Variants in APC observed in about 807,000 individuals in gnomAD.
APC encodes adenomatous polyposis coli protein.
Under a neutral mutation model 247.0 loss-of-function variants are expected in APC, and 72 were observed. That is an observed-to-expected ratio of 0.29 (90% CI 0.24 to 0.35). APC has a LOEUF of 0.35. APC is among the 10% of genes least tolerant of loss of function. APC has a pLI of 1.00. For synonymous variants in APC, 1,254 were observed against 1,162.5 expected (o/e 1.08, Z -1.60); for missense variants, 3,400 against 3,360.7 (o/e 1.01, Z -0.29).
At chr5:112,748,711 C>A (rs900848129) in intron 1 of APC, among the ~76,000 whole-genome samples, 1 of 151,970 alleles carries the variant, frequency 6.6e-6, no homozygotes, top group African/African-American at 2.4e-5. Flanking sequence ...CCCAGCTACT[C>A]GGGAGGCTGA....
At chr5:112,735,107 A>G (rs995348607), upstream of APC, among the ~76,000 whole-genome samples, 1 of 152,210 alleles carries the variant, frequency 6.6e-6, no homozygotes, top group Admixed American at 6.5e-5. Flanking sequence ...GATACTGAAA[A>G]TAAGAGATAT....
intron 13 of APC, 57 bp from the exon 14 acceptor site, chr5:112,828,799 A>G: frequency 4.6e-6 from 6 of 1,315,202 alleles, no homozygotes; most frequent in Non-Finnish European, 6.5e-6. Context: ...ATTAAAAACA[A>G]AAAAGCAACT....
chr5:112,719,384 A>T (rs1751356968), intron 1 of APC, among the ~76,000 whole-genome samples: 1 of 146,756 alleles, frequency 6.8e-6, no homozygotes, highest in African/African-American at 2.5e-5. Context: ...CGCCCGGCTA[A>T]TTTTTTTTTT....
At chr5:112,728,287 C>T (rs1220257373) in intron 1 of APC, among the ~76,000 whole-genome samples, 1 of 152,112 alleles carries the variant, frequency 6.6e-6, no homozygotes, top group Non-Finnish European at 1.5e-5. Flanking sequence ...ACCACCATGC[C>T]TGCCTATTGT....
At position 112,841,593 on chromosome 5, in the gene APC, G is replaced by A. The variant is rs760115941; in HGVS notation, c.5999G>A (p.Ser2000Asn). ...CCCCCTGACTCACAGGGAGAACCAAGTAAACCTCAAGCATCAGGCTATGCT... is the reference window on the plus strand; with the variant it reads ...CCCCCTGACTCACAGGGAGAACCAAATAAACCTCAAGCATCAGGCTATGCT... ...TEPPDSQGEP[S>N]KPQASGYAPK... is the part of the protein sequence containing the mutation. Residue 2000 changes from serine (S) to asparagine (N), a missense_variant, in exon 16 of 16, where the codon AGT (serine) becomes AAT (asparagine). By Grantham distance (46) the Ser-to-Asn change is conservative. This residue lies in a region of APC where 1,788 missense variants were observed against 1,649.5 expected (regional missense o/e 1.08). Transcript: ENST00000257430. The surrounding 1 kb of genome is among the most constrained non-coding windows in gnomAD (Gnocchi z 4.6). 1.9e-6 allele frequency: 3 copies of A among 1,613,784 alleles called. No individual in the cohort carries two copies. The highest frequency in any genetic ancestry group is 2.5e-6 in the Non-Finnish European group (3 of 1,179,702).
At position 112,821,977 on chromosome 5, in the gene APC, C is replaced by G. The variant is rs757814834; in HGVS notation, c.1394C>G (p.Ala465Gly). 1.9e-6 allele frequency: 3 copies of G among 1,610,280 alleles called. No homozygotes were observed. Among genetic ancestry groups the G allele is most frequent in the Non-Finnish European group, 2.5e-6 (3 of 1,177,206 alleles). ...TCATTTGATGAAGAGCATAGACATG[C>G]AATGAATGAACTAGGTAAGACAAAA... is the stretch of plus-strand genomic sequence containing the variant. ...KLSFDEEHRH[A>G]MNELGGLQAI... Residue 465 changes from alanine to glycine, a missense_variant, in exon 11 of 16, where the codon GCA (alanine) becomes GGA (glycine). By Grantham distance (60) the Ala-to-Gly change is moderately conservative. Transcript: ENST00000257430.
At chr5:112,747,998 T>C (rs1753876514) in intron 1 of APC, among the ~76,000 whole-genome samples, 1 of 152,226 alleles carries the variant, frequency 6.6e-6, no homozygotes, top group Admixed American at 6.5e-5. Context: ...TGTTTGGGGC[T>C]GCTTTTGTGC....
chr5:112,783,992 A>G (rs1408014068), intron 6 of APC, among the ~76,000 whole-genome samples: 1 of 152,076 alleles, frequency 6.6e-6, no homozygotes, highest in African/African-American at 2.4e-5. Flanking sequence ...CCGAAACTTT[A>G]TAATTTTTGA....
At chr5:112,727,703 T>C (rs149823473) in intron 1 of APC, among the ~76,000 whole-genome samples, 2 of 152,180 alleles carry the variant, frequency 1.3e-5, no homozygotes, top group Admixed American at 6.5e-5. Context: ...AATCATCCTA[T>C]GTGCTACTCT....
At chr5:112,772,205 T>C (rs1013432091) in intron 4 of APC, among the ~76,000 whole-genome samples, 15 of 152,182 alleles carry the variant, frequency 9.9e-5, no homozygotes, top group African/African-American at 3.6e-4. Context: ...AAGAAGACCA[T>C]TGGCAATCAC....
At chr5:112,742,545 C>G (rs955921763) in intron 1 of APC, among the ~76,000 whole-genome samples, 1 of 152,194 alleles carries the variant, frequency 6.6e-6, no homozygotes, top group African/African-American at 2.4e-5. Flanking sequence ...ACTGACGGAT[C>G]TTCTTCCAAG....
At chr5:112,810,503 T>C (rs1035484558) in intron 8 of APC, among the ~76,000 whole-genome samples, 10 of 152,198 alleles carry the variant, frequency 6.6e-5, no homozygotes, top group African/African-American at 2.4e-4. Flanking sequence ...ATGGCAGTTA[T>C]AGCACGGAGA....
In APC at chr5:112,838,429, G is replaced by T. The variant is rs747840298; in HGVS notation, c.2835G>T (p.Arg945Ser). Residue 945 changes from arginine (R) to serine (S), a missense_variant, in exon 16 of 16, where the codon AGG becomes AGT. Arg to Ser is a moderately radical substitution (Grantham distance 110, BLOSUM62 -1). Around this residue, in one of 9 missense-constraint regions of APC, gnomAD observed 715 missense variants for 656.6 expected, o/e 1.09. Transcript: ENST00000257430. ...TCACTAAGTCGGAAAATTCAAATAG[G>T]ACATGTTCTATGCCTTATGCCAAAT... ...YNFTKSENSN[R>S]TCSMPYAKLE... 22 of 1,613,968 alleles carry T rather than the reference G, an allele frequency of 1.4e-5. No homozygotes were observed. The highest frequency in any genetic ancestry group is 1.4e-5 in the Non-Finnish European group (16 of 1,180,026).
intron 1 of APC, among the ~76,000 whole-genome samples, chr5:112,750,680 G>A (rs190893073): frequency 3.1e-4 from 47 of 152,024 alleles, no homozygotes; most frequent in African/African-American, 9.6e-4. Context: ...GTCTAGTAAC[G>A]GACATCATTA....
At chr5:112,763,859 T>C (rs1755950178) in intron 2 of APC, among the ~76,000 whole-genome samples, 2 of 152,228 alleles carry the variant, frequency 1.3e-5, no homozygotes, top group African/African-American at 4.8e-5. Flanking sequence ...CGACAGTCTA[T>C]GTTTTAACAA....
intron 1 of APC, among the ~76,000 whole-genome samples, chr5:112,748,934 G>A (rs543919400): frequency 3.9e-5 from 6 of 152,308 alleles, no homozygotes; most frequent in African/African-American, 1.4e-4. Context: ...AGCCAGGGAG[G>A]TCAAGGCTGC....
At chr5:112,801,824 C>G (rs1476489082) in intron 8 of APC, among the ~76,000 whole-genome samples, 2 of 151,888 alleles carry the variant, frequency 1.3e-5, no homozygotes, top group Non-Finnish European at 2.9e-5. Flanking sequence ...ATCTAGAAAT[C>G]CAAGTCTTAC....
Position 112,738,341 on chromosome 5 carries a change from C to T in APC, c.-19+416C>T, listed in dbSNP as rs976627265. On this transcript the variant is annotated intron_variant, in intron 1 of 15. Coordinates refer to ENST00000257430, the MANE Select transcript of APC (RefSeq NM_000038.6). ...CCCCATTGAAAGGCTTCTTTTCCTC[C>T]CTGGCGACAAGGACACATGCATTGG... The T allele has an allele frequency of 1.7e-5, 17 of 985,328 alleles. No homozygotes were observed. The highest frequency in any genetic ancestry group is 1.6e-5 in the Non-Finnish European group (13 of 829,978). The allele number at this position is 985,328 out of a possible 1,614,324, so 61.0% of individuals were successfully genotyped here.
chr5:112,779,304 C>T (rs1758065470), intron 5 of APC, among the ~76,000 whole-genome samples: 1 of 152,054 alleles, frequency 6.6e-6, no homozygotes, highest in South Asian at 2.1e-4. Context: ...TACAAAAATC[C>T]AGAATCCCAC....
Sources: gnomAD v4.1 joint callset for allele counts (sites outside exome capture counted in the v4.1 genomes callset) on GRCh38, gnomAD v4.1.1 for gene constraint, gnomAD v4.1.1 regional missense constraint, Gnocchi (gnomAD v3.1) non-coding constraint, MANE v1.5 for transcripts, NCBI Gene and HGNC (gene_info 2026-07-23, HGNC 2026-07-21) for gene names.